Variants in LAMA3 observed in about 807,000 individuals in gnomAD.
LAMA3 encodes laminin subunit alpha 3, also known as laminin subunit alpha-3.
In LAMA3, 281 loss-of-function variants were observed where a neutral mutation model predicts 402.0. The observed-to-expected ratio is 0.70, with a 90% CI of 0.63 to 0.77. The LOEUF (loss-of-function observed/expected upper bound fraction) is 0.77, where lower values mean the gene tolerates loss of function less well. Among genes scored for constraint, LAMA3 ranks in the 30% least tolerant of loss-of-function variants. LAMA3 has a pLI of 0.00. For synonymous variants in LAMA3, 1,431 were observed against 1,558.4 expected, an observed-to-expected ratio of 0.92 and a Z score of 1.93; for missense variants, 3,840 against 4,215.5, an observed-to-expected ratio of 0.91 and a Z score of 2.47.
At chr18:23,732,183 G>T (rs2061405641) in intron 2 of LAMA3, among the ~76,000 whole-genome samples, 1 of 152,184 alleles carries the variant, frequency 6.6e-6, no homozygotes, top group Non-Finnish European at 1.5e-5. Context: ...CCTTGATGAG[G>T]TCAAGGTTGC....
chr18:23,689,938 CG>C lies in LAMA3; in HGVS notation c.260del (p.Gly87AlafsTer71). On this transcript the variant is annotated frameshift_variant, in exon 1 of 75. Coordinates refer to ENST00000313654, the MANE Select transcript of LAMA3 (RefSeq NM_198129.4). LOFTEE classifies it high-confidence loss of function. ...AGCCCGAGCTCTACTGCAAGTTGGT[CG>C]GGGGCCCCACCGCCCCAGGCAGCGG... is the stretch of plus-strand genomic sequence containing the variant. The part of the protein sequence containing the change: ...PQPELYCKLV[G>X]GPTAPGSGHT... 3 of 1,524,438 alleles carry C rather than the reference CG, an allele frequency of 2.0e-6. No individual in the cohort carries two copies. The highest frequency in any genetic ancestry group is 1.8e-6 in the Non-Finnish European group (2 of 1,135,528). The allele number at this position is 1,524,438 out of a possible 1,614,324, so 94.4% of individuals were successfully genotyped here. A position where few individuals can be genotyped will look rare whatever the true frequency, so the allele number is the denominator to read the frequency against.
intron 14 of LAMA3, 119 bp from the exon 15 acceptor site, chr18:23,814,284 A>G: frequency 1.3e-6 from 1 of 759,098 alleles, no homozygotes; most frequent in East Asian, 2.6e-5. Flanking sequence ...CCCCCTGGAT[A>G]CACTTAATTA....
chr18:23,765,554 C>T lies in LAMA3; in HGVS notation c.1182+2031C>T, dbSNP rs2062058512. On this transcript the variant is annotated intron_variant, in intron 8 of 74. Coordinates refer to ENST00000313654, the MANE Select transcript of LAMA3 (RefSeq NM_198129.4). ...AATATTCACAATGTCTAGGCTACAA[C>T]CCTAGATTTTGTAACATATGAAGAT... Among the ~76,000 whole-genome samples the T allele has an allele frequency of 3.3e-5, 5 of 152,198 alleles. No homozygotes were observed. The South Asian group carries it at 1.0e-3, about 32-fold the overall frequency.
Position 23,950,071 on chromosome 18 carries a change from G to T in LAMA3, c.9554G>T (p.Ser3185Ile), listed in dbSNP as rs1316451027. Residue 3185 changes from serine (S) to isoleucine (I), a missense_variant, in exon 72 of 75, where the codon AGC becomes ATC. Around this residue, in one of 3 missense-constraint regions of LAMA3, gnomAD observed 840 missense variants for 981.9 expected, o/e 0.86. Coordinates refer to ENST00000313654, the MANE Select transcript of LAMA3 (RefSeq NM_198129.4). ...LLGPEFKLVF[S>I]IRPRSLTGIL... ...GGGCCAGAATTTAAGCTTGTTTTCA[G>T]CATCCGCCCAAGAAGTCTCACTGGG... The T allele has an allele frequency of 1.9e-6, 3 of 1,614,002 alleles. No individual in the cohort carries two copies. The African/African-American group carries it at 4.0e-5, about 22-fold the overall frequency.
chr18:23,905,493 T>C, intron 51 of LAMA3, 29 bp from the exon 52 acceptor site: 4 of 1,232,156 alleles, frequency 3.2e-6, no homozygotes, highest in Non-Finnish European at 4.8e-6. Flanking sequence ...ATAGCATTTG[T>C]TTAAGGCTGT....
chr18:23,763,556 T>G (rs1209586511), intron 8 of LAMA3, 33 bp downstream of exon 8: 1 of 1,252,686 alleles, frequency 8.0e-7, no homozygotes, highest in Non-Finnish European at 1.2e-6. Flanking sequence ...GTGGATGTGT[T>G]GTCATGGGGA....
Position 23,954,890 on chromosome 18 carries a change from C to A in LAMA3, c.*242C>A. On this transcript the variant is annotated 3_prime_UTR_variant, in exon 75 of 75. Transcript: ENST00000313654. ...AAATTGTTATTCAAATTGTTATGCA[C>A]AGAATGTTTTTGGTAATATTAATTT... 1 of 506,648 alleles carries A rather than the reference C, an allele frequency of 2.0e-6. No individual in the cohort carries two copies. Among genetic ancestry groups the A allele is most frequent in the Non-Finnish European group, 3.5e-6 (1 of 283,248 alleles). 31.4% of individuals were successfully genotyped at this position (506,648 alleles called of 1,614,324 possible). A position where few individuals can be genotyped will look rare whatever the true frequency, so the allele number is the denominator to read the frequency against.
At chr18:23,949,658 C>G in intron 70 of LAMA3, 107 bp from the exon 71 acceptor site, 1 of 1,062,098 alleles carries the variant, frequency 9.4e-7, no homozygotes. Flanking sequence ...TGAATCCCTA[C>G]CTACCTTCCC....
At chr18:23,704,127 T>G (rs1180621145) in intron 1 of LAMA3, among the ~76,000 whole-genome samples, 1 of 152,230 alleles carries the variant, frequency 6.6e-6, no homozygotes, top group Admixed American at 6.5e-5. Flanking sequence ...TGTTGATGGA[T>G]GAACGTTGGT....
At chr18:23,690,187 G>T (rs936457468) in intron 1 of LAMA3, among the ~76,000 whole-genome samples, 3 of 152,190 alleles carry the variant, frequency 2.0e-5, no homozygotes, top group African/African-American at 7.2e-5. Context: ...GAGGCGAGGA[G>T]GGGGAGCACG....
Position 23,951,747 on chromosome 18 carries a change from C to G in LAMA3, c.9706C>G (p.Leu3236Val), listed in dbSNP as rs777188129. Residue 3236 changes from leucine (L) to valine (V), a missense_variant, in exon 73 of 75, where the codon CTG becomes GTG. Coordinates refer to ENST00000313654, the MANE Select transcript of LAMA3 (RefSeq NM_198129.4). ...AACGTCGGTCACACCAAAGCAGTCT[C>G]TGTGTGATGGACAGTGGCACTCGGT... ...TSTSVTPKQS[L>V]CDGQWHSVAV... 7.2e-5 allele frequency: 116 copies of G among 1,613,846 alleles called. No homozygotes were observed. Among genetic ancestry groups the G allele is most frequent in the Non-Finnish European group, 9.7e-5 (115 of 1,179,908 alleles).
rs954020947 is a variant in LAMA3 at position 23,773,879 on chromosome 18, G to A, written c.1273+292G>A. 3.3e-5 allele frequency among the ~76,000 whole-genome samples: 5 copies of A among 152,296 alleles called. No individual in the cohort carries two copies. In the East Asian group the frequency reaches 9.6e-4, roughly 29 times the overall value. ...CATATTAGGCCTGTGATAAATGTTA[G>A]TTTCTCCATTTTCTGTTGTTTTGAC... On this transcript the variant is annotated intron_variant, in intron 9 of 74. Coordinates refer to ENST00000313654, the MANE Select transcript of LAMA3 (RefSeq NM_198129.4).
At chr18:23,773,113 G>C (rs2062237257) in intron 8 of LAMA3, among the ~76,000 whole-genome samples, 1 of 152,198 alleles carries the variant, frequency 6.6e-6, no homozygotes, top group South Asian at 2.1e-4. Context: ...CATGACCCTT[G>C]GGTTAAACTG....
intron 68 of LAMA3, among the ~76,000 whole-genome samples, chr18:23,941,356 A>C (rs1262277756): frequency 3.2e-5 from 3 of 95,196 alleles, no homozygotes; most frequent in Non-Finnish European, 2.1e-5. Flanking sequence ...CTTCTCTCTC[A>C]ACACATTCAG....
At position 23,827,487 on chromosome 18, in the gene LAMA3, A is replaced by G; in HGVS notation, c.2823+20A>G. On this transcript the variant is annotated intron_variant, in intron 23 of 74. Transcript: ENST00000313654. The stretch of plus-strand genomic sequence containing the variant: ...AGAGAGGTGGGCCAGCCTTTTATTT[A>G]TTATCAAAGTTATTACTACCTCCCC... The G allele has an allele frequency of 6.2e-7, 1 of 1,613,112 alleles. No individual in the cohort carries two copies. The highest frequency in any genetic ancestry group is 8.5e-7 in the Non-Finnish European group (1 of 1,179,762).
intron 54 of LAMA3, among the ~76,000 whole-genome samples, chr18:23,908,554 G>A (rs1294612635): frequency 1.4e-5 from 2 of 147,402 alleles, no homozygotes; most frequent in Admixed American, 6.8e-5. Flanking sequence ...AAAAAAAAAG[G>A]AAAGAAAGAA....
chr18:23,948,024 G>A (rs893545058), intron 70 of LAMA3, among the ~76,000 whole-genome samples: 12 of 152,244 alleles, frequency 7.9e-5, no homozygotes, highest in Non-Finnish European at 1.3e-4. Flanking sequence ...GTGTTAGCCA[G>A]AATGGTCTCG....
intron 1 of LAMA3, among the ~76,000 whole-genome samples, chr18:23,693,353 T>C (rs866339970): frequency 1.8e-4 from 28 of 152,076 alleles, no homozygotes; most frequent in Admixed American, 7.2e-4. Context: ...AAAAATACAA[T>C]AATACTGGTT....
chr18:23,783,922 T>C, intron 11 of LAMA3, 101 bp from the exon 12 acceptor site: 3 of 1,439,600 alleles, frequency 2.1e-6, no homozygotes, highest in South Asian at 2.3e-5. Flanking sequence ...CCATAGATAA[T>C]TAATAATCTA....
Sources: allele counts gnomAD v4.1 joint callset (sites outside exome capture counted in the v4.1 genomes callset), GRCh38; gene constraint gnomAD v4.1.1; regional missense constraint gnomAD v4.1.1; transcripts MANE v1.5; gene names NCBI Gene and HGNC (gene_info 2026-07-23, HGNC 2026-07-21).